The following KIF14 variants were observed in gnomAD, a reference collection of about 807,000 sequenced individuals.
KIF14 encodes kinesin-like protein KIF14.
A neutral mutation model predicts 176.2 loss-of-function variants in KIF14; 98 were observed. The ratio of observed to expected loss-of-function variants is 0.56; its 90% CI spans 0.47 to 0.66. KIF14 has a LOEUF of 0.66. Ranked by LOEUF, KIF14 falls within the 30% of genes least tolerant of loss-of-function variation. The pLI is 0.00. For synonymous variants in KIF14, 566 were observed against 632.2 expected (o/e 0.90, Z 1.57); for missense variants, 1,751 against 1,920.4 (o/e 0.91, Z 1.65).
rs1426595155 is a variant in KIF14, at chr1:200,580,253, C to T, written c.3465+1G>A. On this transcript the variant is annotated splice_donor_variant, in intron 21 of 29. Transcript: ENST00000367350. LOFTEE classifies it high-confidence loss of function. Reference sequence around the variant, plus strand: ...ATAGAGATTTTAATAATATTCCAAACCTCATAAAGTTCTTTCATTGCTGCA... The same window carrying T: ...ATAGAGATTTTAATAATATTCCAAATCTCATAAAGTTCTTTCATTGCTGCA... The T allele has an allele frequency of 7.2e-7, 1 of 1,382,326 alleles. No individual in the cohort carries two copies. The highest frequency in any genetic ancestry group is 9.5e-7 in the Non-Finnish European group (1 of 1,049,968). 85.6% of individuals were successfully genotyped at this position (1,382,326 alleles called of 1,614,324 possible).
At chr1:200,606,686 G>A (rs1659897594) in intron 6 of KIF14, 60 bp downstream of exon 6, 2 of 1,391,928 alleles carry the variant, frequency 1.4e-6, no homozygotes, top group Non-Finnish European at 1.0e-6. Context: ...TTATGGGAGA[G>A]TAACATTCAC....
At chr1:200,569,539 G>C (rs556825436) in intron 23 of KIF14, among the ~76,000 whole-genome samples, 63 of 152,122 alleles carry the variant, frequency 4.1e-4, no homozygotes, top group Middle Eastern at 3.4e-3. Context: ...TCTCCAGAGA[G>C]ATCTTATTCA....
chr1:200,583,542 T>A (rs545881099), intron 19 of KIF14, among the ~76,000 whole-genome samples: 1 of 152,302 alleles, frequency 6.6e-6, no homozygotes, highest in East Asian at 1.9e-4. Flanking sequence ...ACTGCAGCAA[T>A]CTCTACTTTT....
chr1:200,617,117 A>G (rs1660441140), intron 2 of KIF14, among the ~76,000 whole-genome samples: 2 of 152,068 alleles, frequency 1.3e-5, no homozygotes. Flanking sequence ...ACAGGTGTGC[A>G]ACACCATGCC....
chr1:200,564,998 T>C lies in KIF14; in HGVS notation c.4071+71A>G, dbSNP rs891454432. The C allele has an allele frequency of 3.3e-6, 4 of 1,215,060 alleles. No homozygotes were observed. In the Admixed American group the frequency reaches 6.3e-5, roughly 19 times the overall value. The allele number at this position is 1,215,060 out of a possible 1,614,324, so 75.3% of individuals were successfully genotyped here. A position where few individuals can be genotyped will look rare whatever the true frequency, so the allele number is the denominator to read the frequency against. On this transcript the variant is annotated intron_variant, in intron 25 of 29. Transcript: ENST00000367350. ...CATACAGAGCTAATTTTGGGGAAGA[T>C]ATAGACAGTAGAAAGCCAATAAATA...
chr1:200,569,153 G>A (rs959177580), intron 23 of KIF14, among the ~76,000 whole-genome samples: 5 of 151,916 alleles, frequency 3.3e-5, no homozygotes, highest in South Asian at 4.2e-4. Flanking sequence ...TTGAACTCCC[G>A]ACCTCAGGTG....
Position 200,603,871 on chromosome 1 carries a change from A to G in KIF14, c.1831T>C (p.Ser611Pro), listed in dbSNP as rs1257533346. 6.2e-7 allele frequency: 1 copy of G among 1,611,564 alleles called. No homozygotes were observed. Among genetic ancestry groups the G allele is most frequent in the Admixed American group, 1.7e-5 (1 of 60,024 alleles). The change falls in exon 9 of 30, where the codon TCT becomes CCT. Residue 611 changes from serine to proline, a missense_variant. Coordinates refer to ENST00000367350, the MANE Select transcript of KIF14 (RefSeq NM_014875.3). ...LIDLAGSERCSTAHTNGDRLK... is the reference protein window; with the variant it reads ...LIDLAGSERCPTAHTNGDRLK... ...CGATCTCCATTAGTGTGAGCCGTAG[A>G]GCAGCGCTCACTGCCTGCCAGATCT... is the stretch of plus-strand genomic sequence containing the variant.
intron 11 of KIF14, 106 bp from the exon 12 acceptor site, chr1:200,600,609 AG>A (rs1405298315): frequency 4.1e-6 from 3 of 735,166 alleles, no homozygotes; most frequent in Admixed American, 2.7e-5. Context: ...TTTTAAATAC[AG>A]TATTACTAAA....
chr1:200,592,490 C>T (rs1659104842), intron 15 of KIF14, among the ~76,000 whole-genome samples: 2 of 152,186 alleles, frequency 1.3e-5, no homozygotes, highest in South Asian at 2.1e-4. Context: ...ATTCTCCTGC[C>T]TCAGCCTCCC....
At chr1:200,559,586 C>A in intron 26 of KIF14, 134 bp from the exon 27 acceptor site, 1 of 418,290 alleles carries the variant, frequency 2.4e-6, no homozygotes, top group Non-Finnish European at 4.0e-6. Context: ...GACTATAATA[C>A]ATCCCAAGTT....
Position 200,618,431 on chromosome 1 carries a change from T to G in KIF14, c.293A>C (p.Lys98Thr). ...LALQRRTTRN[K>T]ESSLLVSELE... ...CTCACTAACAAGCAAAGATGATTCT[T>G]TGTTCCTTGTAGTTCTCCTCTGAAG... The change falls in exon 2 of 30, where the codon AAA becomes ACA. Residue 98 changes from lysine (K) to threonine (T), a missense_variant. Physicochemically the swap from Lys to Thr is moderately conservative, Grantham distance 78. Transcript: ENST00000367350. 4 of 1,614,218 alleles carry G rather than the reference T, an allele frequency of 2.5e-6. No individual in the cohort carries two copies. Among genetic ancestry groups the G allele is most frequent in the Non-Finnish European group, 3.4e-6 (4 of 1,180,028 alleles).
chr1:200,614,307 T>G lies in KIF14; in HGVS notation c.1455+11A>C. The G allele has an allele frequency of 6.7e-7, 1 of 1,501,476 alleles. No homozygotes were observed. Among genetic ancestry groups the G allele is most frequent in the Non-Finnish European group, 9.2e-7 (1 of 1,083,030 alleles). The allele number at this position is 1,501,476 out of a possible 1,614,324, so 93.0% of individuals were successfully genotyped here. On this transcript the variant is annotated intron_variant, in intron 4 of 29. Transcript: ENST00000367350. Reference sequence around the variant, plus strand: ...TCTGAAAAGAAGCTTGCAGGTATTATAAGAACATACCTCTTGGGTTTGTTT... The same window carrying G: ...TCTGAAAAGAAGCTTGCAGGTATTAGAAGAACATACCTCTTGGGTTTGTTT...
intron 21 of KIF14, among the ~76,000 whole-genome samples, chr1:200,575,974 TA>T (rs1251083941): frequency 1.3e-5 from 2 of 151,960 alleles, no homozygotes; most frequent in African/African-American, 4.8e-5. Context: ...ACATAAACAA[TA>T]AAATCCTCAG....
At chr1:200,572,147 AT>A (rs1302323382) in intron 22 of KIF14, among the ~76,000 whole-genome samples, 9 of 152,230 alleles carry the variant, frequency 5.9e-5, no homozygotes, top group African/African-American at 2.2e-4. Context: ...AGAGCAATTC[AT>A]TTTTTAAAAA....
Position 200,598,678 on chromosome 1 carries a change from C to T in KIF14, c.2365-257G>A, listed in dbSNP as rs4915446. Among the ~76,000 whole-genome samples, 9,816 of 152,198 alleles carry T rather than the reference C, an allele frequency of 0.064. 819 individuals are homozygous for T. Among genetic ancestry groups the T allele is most frequent in the East Asian group, 0.37 (1,899 of 5,176 alleles). On this transcript the variant is annotated intron_variant, in intron 13 of 29. Transcript: ENST00000367350. ...GGTTCAAACGATTCTCCTGCTTCAG[C>T]CTCCCAAGTAGCTGAGACTACAGGC...
intron 28 of KIF14, among the ~76,000 whole-genome samples, chr1:200,554,922 T>C (rs1018102557): frequency 2.6e-5 from 4 of 152,162 alleles, no homozygotes; most frequent in Non-Finnish European, 4.4e-5. Context: ...CTCAACTTTA[T>C]AATAGTTCTC....
intron 25 of KIF14, among the ~76,000 whole-genome samples, chr1:200,562,225 G>T (rs1382534626): frequency 1.3e-5 from 2 of 152,106 alleles, no homozygotes; most frequent in Non-Finnish European, 2.9e-5. Context: ...CCTCCAAGTC[G>T]CCTGGTCTCT....
At chr1:200,619,185 G>A (rs1308867456) in intron 1 of KIF14, among the ~76,000 whole-genome samples, 1 of 152,180 alleles carries the variant, frequency 6.6e-6, no homozygotes, top group Non-Finnish European at 1.5e-5. Flanking sequence ...TGTAAAAAGT[G>A]CATGCCAACA....
intron 21 of KIF14, among the ~76,000 whole-genome samples, chr1:200,576,189 G>A (rs1658090608): frequency 6.6e-6 from 1 of 152,144 alleles, no homozygotes; most frequent in African/African-American, 2.4e-5. Context: ...GTTAAAAGTA[G>A]GAGGTAAGGC....
Sources: gnomAD v4.1 joint callset for allele counts (sites outside exome capture counted in the v4.1 genomes callset) on GRCh38, gnomAD v4.1.1 for gene constraint, MANE v1.5 for transcripts, NCBI Gene and HGNC (gene_info 2026-07-23, HGNC 2026-07-21) for gene names.